CD4: variants seen among roughly 807,000 people sequenced by gnomAD.
CD4 encodes T-cell surface glycoprotein CD4.
In CD4, 25 loss-of-function variants were observed where a neutral mutation model predicts 50.5. The observed-to-expected ratio is 0.49, with a 90% CI of 0.36 to 0.69. The LOEUF (loss-of-function observed/expected upper bound fraction) is 0.69. Among genes scored for constraint, CD4 ranks in the 30% least tolerant of loss-of-function variants. The probability of loss-of-function intolerance (pLI) is 0.00; values close to 1 mark genes in which losing one functional copy is unlikely to be tolerated. For synonymous variants in CD4, 207 were observed against 221.9 expected, an observed-to-expected ratio of 0.93 and a Z score of 0.60; for missense variants, 456 against 548.5, an observed-to-expected ratio of 0.83 and a Z score of 1.68.
chr12:6,800,878 G>A (rs1291481033), intron 3 of CD4, among the ~76,000 whole-genome samples: 1 of 151,798 alleles, frequency 6.6e-6, no homozygotes, highest in Non-Finnish European at 1.5e-5. Context: ...GAACAACATA[G>A]TGAGACTCTG....
At chr12:6,806,934 G>C (rs1289294340) in intron 3 of CD4, among the ~76,000 whole-genome samples, 1 of 152,174 alleles carries the variant, frequency 6.6e-6, no homozygotes, top group Non-Finnish European at 1.5e-5. Context: ...TTGGGAGGCC[G>C]AGGCGGGTGG....
At position 6,816,733 on chromosome 12, in the gene CD4, C is replaced by T. The variant is rs1943092347; in HGVS notation, c.955+330C>T. Reference sequence around the variant, plus strand: ...ACCTGTCTAATAAGGATAATGAAATCTGCTCTCTGTGTGATAGTAATGATG... The same window carrying T: ...ACCTGTCTAATAAGGATAATGAAATTTGCTCTCTGTGTGATAGTAATGATG... On this transcript the variant is annotated intron_variant, in intron 6 of 9. Coordinates refer to ENST00000011653, the MANE Select transcript of CD4 (RefSeq NM_000616.5). This position sits in a 1 kb window ranked among gnomAD's most constrained non-coding sequence, Gnocchi z 4.9. 1.3e-5 allele frequency among the ~76,000 whole-genome samples: 2 copies of T among 152,222 alleles called. No homozygotes were observed. The highest frequency in any genetic ancestry group is 2.1e-4 in the South Asian group (1 of 4,830).
In CD4 at chr12:6,818,721, C is replaced by T. The variant is rs1399719073; in HGVS notation, c.1279-126C>T. ...ACAGGAAGGAGCAGAGAGTTAATTCCAGGATAGATGGCCTGGGCCATGTAA... is the reference window on the plus strand; with the variant it reads ...ACAGGAAGGAGCAGAGAGTTAATTCTAGGATAGATGGCCTGGGCCATGTAA... On this transcript the variant is annotated intron_variant, in intron 8 of 9. Transcript: ENST00000011653. This position sits in a 1 kb window ranked among gnomAD's most constrained non-coding sequence, Gnocchi z 5.0. 1 of 1,190,382 alleles carries T rather than the reference C, an allele frequency of 8.4e-7. No individual in the cohort carries two copies. The highest frequency in any genetic ancestry group is 1.5e-5 in the African/African-American group (1 of 66,514). 73.7% of individuals were successfully genotyped at this position (1,190,382 alleles called of 1,614,324 possible). A position where few individuals can be genotyped will look rare whatever the true frequency, so the allele number is the denominator to read the frequency against.
chr12:6,796,574 C>T (rs1376260241), intron 1 of CD4, among the ~76,000 whole-genome samples: 1 of 152,176 alleles, frequency 6.6e-6, no homozygotes. Flanking sequence ...GCTCCAGTCC[C>T]ATGTCATCTG....
In CD4 at chr12:6,818,377, C is replaced by T. The variant is rs200083525; in HGVS notation, c.1157-44C>T. 27 of 1,607,700 alleles carry T rather than the reference C, an allele frequency of 1.7e-5. No individual in the cohort carries two copies. The highest frequency in any genetic ancestry group is 2.0e-5 in the Non-Finnish European group (24 of 1,179,174). On this transcript the variant is annotated intron_variant, in intron 7 of 9. Transcript: ENST00000011653. The surrounding 1 kb of genome is among the most constrained non-coding windows in gnomAD (Gnocchi z 5.0). ...CAGGGCAGTCCTCAGTCCCCTGGCCCGTGGAGGAGGGCGGTGCATTGAGCA... is the reference window on the plus strand; with the variant it reads ...CAGGGCAGTCCTCAGTCCCCTGGCCTGTGGAGGAGGGCGGTGCATTGAGCA...
At position 6,819,339 on chromosome 12, in the gene CD4, C is replaced by T; in HGVS notation, c.*10C>T. On this transcript the variant is annotated 3_prime_UTR_variant, in exon 10 of 10. Transcript: ENST00000011653. ...ATGTAGCCCCATTTGAGGCACGAGG[C>T]CAGGCAGATCCCACTTGCAGCCTCC... The T allele has an allele frequency of 6.2e-7, 1 of 1,613,834 alleles. No individual in the cohort carries two copies. Among genetic ancestry groups the T allele is most frequent in the South Asian group, 1.1e-5 (1 of 91,082 alleles).
chr12:6,818,358 A>T lies in CD4; in HGVS notation c.1157-63A>T. 1.3e-6 allele frequency: 2 copies of T among 1,578,776 alleles called. No homozygotes were observed. The highest frequency in any genetic ancestry group is 2.2e-5 in the South Asian group (2 of 90,284). On this transcript the variant is annotated intron_variant, in intron 7 of 9. Transcript: ENST00000011653. This position sits in a 1 kb window ranked among gnomAD's most constrained non-coding sequence, Gnocchi z 5.0. ...GACTGGCCAGGAGGGATTGCAGGGC[A>T]GTCCTCAGTCCCCTGGCCCGTGGAG...
At chr12:6,796,890 C>A (rs1942390579) in intron 1 of CD4, among the ~76,000 whole-genome samples, 1 of 152,172 alleles carries the variant, frequency 6.6e-6, no homozygotes, top group Non-Finnish European at 1.5e-5. Context: ...TTTTCCCATA[C>A]CTTCTTCCAC....
At position 6,812,129 on chromosome 12, in the gene CD4, G is replaced by A. The variant is rs782421458; in HGVS notation, c.215-2013G>A. On this transcript the variant is annotated intron_variant, in intron 3 of 9. Transcript: ENST00000011653. ...GAAAAGGGCATATAGGCTGGGTGCA[G>A]TGGCTCACACCTGCAATCCCAGCAA... Among the ~76,000 whole-genome samples, 6 of 152,286 alleles carry A rather than the reference G, an allele frequency of 3.9e-5. No individual in the cohort carries two copies. The East Asian group carries it at 1.2e-3, about 29-fold the overall frequency.
chr12:6,791,242 A>C (rs923925261), intron 1 of CD4, among the ~76,000 whole-genome samples: 1 of 152,030 alleles, frequency 6.6e-6, no homozygotes, highest in South Asian at 2.1e-4. Flanking sequence ...TGCACGTTTT[A>C]TTTTTTATTA....
At chr12:6,817,086 A>G (rs782584635) in intron 6 of CD4, 44 bp from the exon 7 acceptor site, 9 of 1,524,236 alleles carry the variant, frequency 5.9e-6, no homozygotes, top group African/African-American at 1.4e-5. Context: ...TAATTGTTCT[A>G]CTGAATCTCA....
At chr12:6,804,030 G>C (rs1942647154) in intron 3 of CD4, among the ~76,000 whole-genome samples, 1 of 151,598 alleles carries the variant, frequency 6.6e-6, no homozygotes, top group African/African-American at 2.4e-5. Flanking sequence ...AGAATCACTT[G>C]AACCCAGGAG....
chr12:6,796,442 A>C (rs1075837), intron 1 of CD4, among the ~76,000 whole-genome samples: 96,299 of 152,054 alleles, frequency 0.63, 30,719 homozygotes, highest in Middle Eastern at 0.7. Flanking sequence ...CCATGGTGAC[A>C]CCTTCCCCAG....
chr12:6,801,213 A>G (rs10128992), intron 3 of CD4, among the ~76,000 whole-genome samples: 1 of 151,152 alleles, frequency 6.6e-6, no homozygotes, highest in Non-Finnish European at 1.5e-5. Flanking sequence ...GCCAAAAAAA[A>G]TTTTTTTAAT....
intron 3 of CD4, among the ~76,000 whole-genome samples, chr12:6,813,091 G>A (rs1023553261): frequency 1.3e-5 from 2 of 151,444 alleles, no homozygotes; most frequent in African/African-American, 4.9e-5. Flanking sequence ...TCTTTTTTGA[G>A]ACAGAGTCTC....
Position 6,814,985 on chromosome 12 carries a change from G to T in CD4, c.600G>T (p.Val200=). 1 of 1,610,210 alleles carries T rather than the reference G, an allele frequency of 6.2e-7. No homozygotes were observed. The highest frequency in any genetic ancestry group is 1.1e-5 in the South Asian group (1 of 90,914). ...QKKVEFKIDI[V]VLAFQKASSI... is the part of the protein sequence containing the mutation. ...AGGTGGAGTTCAAAATAGACATCGT[G>T]GTGCTAGGTAAGGGAAGCCCCTCTT... Residue 200 remains valine, a synonymous_variant, in exon 5 of 10, where the codon GTG becomes GTT. Transcript: ENST00000011653.
At chr12:6,802,061 A>C (rs184920844) in intron 3 of CD4, among the ~76,000 whole-genome samples, 145 of 150,624 alleles carry the variant, frequency 9.6e-4, no homozygotes, top group African/African-American at 3.4e-3. Flanking sequence ...TTTAGTAGAG[A>C]CCGGTTTTCA....
intron 1 of CD4, among the ~76,000 whole-genome samples, chr12:6,794,063 C>A (rs1375035692): frequency 6.7e-6 from 1 of 150,354 alleles, no homozygotes; most frequent in African/African-American, 2.5e-5. Flanking sequence ...TCTATCTTAT[C>A]TATTGATCTA....
intron 3 of CD4, among the ~76,000 whole-genome samples, chr12:6,805,561 C>A (rs147340694): frequency 0.91 from 122,295 of 134,932 alleles, 54,937 homozygotes; most frequent in Non-Finnish European, 0.95. Context: ...AGTCTGTCTC[C>A]CGAAAAAAAA....
Sources: gnomAD v4.1 joint callset for allele counts (sites outside exome capture counted in the v4.1 genomes callset) on GRCh38, gnomAD v4.1.1 for gene constraint, Gnocchi (gnomAD v3.1) non-coding constraint, MANE v1.5 for transcripts, NCBI Gene and HGNC (gene_info 2026-07-23, HGNC 2026-07-21) for gene names.